ARHGEF38: variants seen among roughly 807,000 people sequenced by gnomAD.
The protein encoded by ARHGEF38 is Rho guanine nucleotide exchange factor (GEF) 38.
ARHGEF38 carries 79 observed loss-of-function variants against 79.9 expected under a neutral mutation model. The observed-to-expected ratio is 0.99, with a 90% confidence interval of 0.82 to 1.19. The LOEUF is 1.19. Ranked by LOEUF, ARHGEF38 falls within the 50% of genes most tolerant of loss-of-function variation. The pLI is 0.00. For synonymous variants in ARHGEF38, 366 were observed against 328.3 expected (o/e 1.11, Z -1.24); for missense variants, 962 against 907.2 (o/e 1.06, Z -0.78).
At chr4:105,553,813 T>C (rs1725118876) in intron 1 of ARHGEF38, among the ~76,000 whole-genome samples, 1 of 152,178 alleles carries the variant, frequency 6.6e-6, no homozygotes, top group Admixed American at 6.5e-5. Context: ...AACTTGCCTC[T>C]CCTGCTTTTA....
intron 7 of ARHGEF38, among the ~76,000 whole-genome samples, chr4:105,653,578 C>T (rs2110554213): frequency 6.6e-6 from 1 of 152,226 alleles, no homozygotes; most frequent in African/African-American, 2.4e-5. Context: ...GCCTTGGCCT[C>T]CCAAAGTGCT....
chr4:105,590,121 AGG>A lies in ARHGEF38; in HGVS notation c.384+687_384+688del, dbSNP rs1266095174. On this transcript the variant is annotated intron_variant, in intron 2 of 13. Coordinates refer to ENST00000420470, the MANE Select transcript of ARHGEF38 (RefSeq NM_001242729.2). Reference sequence around the variant, plus strand: ...AAGGAAGGAAGGAAGGAAGGAAGGAAGGAAGGAAAGAAAGAAAAAAAAGAAAG... The same window carrying A: ...AAGGAAGGAAGGAAGGAAGGAAGGAAAAGGAAAGAAAGAAAAAAAAGAAAG... 4.0e-3 allele frequency among the ~76,000 whole-genome samples: 566 copies of A among 141,830 alleles called. 2 individuals are homozygous for A. Among genetic ancestry groups the A allele is most frequent in the African/African-American group, 0.017 (544 of 32,650 alleles). The allele number at this position is 141,830 out of a possible 152,430, so 93.0% of individuals were successfully genotyped here. A position where few individuals can be genotyped will look rare whatever the true frequency, so the allele number is the denominator to read the frequency against.
chr4:105,676,965 T>A (rs1470746000), intron 13 of ARHGEF38, among the ~76,000 whole-genome samples: 1 of 151,482 alleles, frequency 6.6e-6, no homozygotes, highest in African/African-American at 2.4e-5. Context: ...GTTTTGTGTT[T>A]TTTCTTTTTT....
chr4:105,602,739 CG>C (rs1319854821), intron 2 of ARHGEF38, among the ~76,000 whole-genome samples: 2 of 152,098 alleles, frequency 1.3e-5, no homozygotes, highest in East Asian at 3.9e-4. Flanking sequence ...AATCCAAACT[CG>C]GCTGAGTTTT....
intron 2 of ARHGEF38, among the ~76,000 whole-genome samples, chr4:105,607,979 G>C (rs1728125202): frequency 6.6e-6 from 1 of 151,772 alleles, no homozygotes; most frequent in Admixed American, 6.6e-5. Flanking sequence ...AAAAAAAAAT[G>C]CCATAAACTG....
At chr4:105,590,140 A>AAAG (rs1553939700) in intron 2 of ARHGEF38, among the ~76,000 whole-genome samples, 10 of 144,978 alleles carry the variant, frequency 6.9e-5, no homozygotes, top group African/African-American at 2.5e-4. Context: ...AGAAAGAAAA[A>AAAG]AAAGAAAGAA....
chr4:105,654,736 C>T (rs757848692), intron 8 of ARHGEF38, among the ~76,000 whole-genome samples: 1 of 152,116 alleles, frequency 6.6e-6, no homozygotes, highest in Non-Finnish European at 1.5e-5. Context: ...TGATTATGCT[C>T]GGTAGAAAAA....
chr4:105,628,972 T>G (rs1466963772), intron 3 of ARHGEF38, among the ~76,000 whole-genome samples: 5 of 152,176 alleles, frequency 3.3e-5, no homozygotes, highest in African/African-American at 1.2e-4. Context: ...TATCACCCCA[T>G]TTCATTCTCA....
At chr4:105,569,085 A>G (rs1389702381) in intron 1 of ARHGEF38, among the ~76,000 whole-genome samples, 3 of 152,192 alleles carry the variant, frequency 2.0e-5, no homozygotes, top group Non-Finnish European at 4.4e-5. Context: ...ATAAACAATG[A>G]CTTAGAATTT....
At chr4:105,642,928 G>T (rs1379123711) in intron 5 of ARHGEF38, among the ~76,000 whole-genome samples, 2 of 151,992 alleles carry the variant, frequency 1.3e-5, no homozygotes, top group Non-Finnish European at 2.9e-5. Flanking sequence ...TAGATAATAT[G>T]ATTTCCTCTA....
intron 2 of ARHGEF38, among the ~76,000 whole-genome samples, chr4:105,599,907 C>T (rs959210271): frequency 2.0e-5 from 3 of 151,962 alleles, no homozygotes; most frequent in African/African-American, 7.2e-5. Flanking sequence ...AACTAAGAAT[C>T]CCTTGTGAGA....
intron 6 of ARHGEF38, among the ~76,000 whole-genome samples, chr4:105,647,592 CT>C (rs1370659295): frequency 6.6e-6 from 1 of 152,160 alleles, no homozygotes; most frequent in Non-Finnish European, 1.5e-5. Context: ...TGGTAATAGA[CT>C]ATGAATATTT....
At chr4:105,584,277 A>G (rs1451980086) in intron 1 of ARHGEF38, among the ~76,000 whole-genome samples, 1 of 152,220 alleles carries the variant, frequency 6.6e-6, no homozygotes, top group African/African-American at 2.4e-5. Flanking sequence ...AGATATTTTG[A>G]GAAGCCTATA....
chr4:105,565,980 A>G (rs959995585), intron 1 of ARHGEF38, among the ~76,000 whole-genome samples: 1 of 152,072 alleles, frequency 6.6e-6, no homozygotes, highest in Non-Finnish European at 1.5e-5. Context: ...TCTTTCCCCT[A>G]GTGACTGGAC....
At position 105,667,677 on chromosome 4, in the gene ARHGEF38, G is replaced by T. The variant is rs761944609; in HGVS notation, c.2122G>T (p.Asp708Tyr). 5 of 1,536,116 alleles carry T rather than the reference G, an allele frequency of 3.3e-6. No individual in the cohort carries two copies. The highest frequency in any genetic ancestry group is 4.4e-6 in the Non-Finnish European group (5 of 1,146,956). ...GKFETNGTDV[D>Y]SFQEVDEQIF... ...GTTTGAAACAAATGGTACTGATGTT[G>T]ACAGTTTTCAAGAAGTAGACGAACA... The change falls in exon 13 of 14, where the codon GAC becomes TAC. Residue 708 changes from aspartate (D) to tyrosine (Y), a missense_variant. Transcript: ENST00000420470.
intron 1 of ARHGEF38, among the ~76,000 whole-genome samples, chr4:105,561,414 A>AATG (rs1560684221): frequency 2.3e-4 from 10 of 42,558 alleles, no homozygotes; most frequent in African/African-American, 8.3e-4. Context: ...AGAATAGAAT[A>AATG]GAATAGAATG....
chr4:105,554,349 T>C (rs566473057), intron 1 of ARHGEF38, among the ~76,000 whole-genome samples: 65 of 152,298 alleles, frequency 4.3e-4, no homozygotes, highest in Non-Finnish European at 8.2e-4. Flanking sequence ...AGCCCTTGCC[T>C]CTGTCCGTTT....
chr4:105,572,857 A>G (rs1433771292), intron 1 of ARHGEF38, among the ~76,000 whole-genome samples: 1 of 152,170 alleles, frequency 6.6e-6, no homozygotes, highest in Non-Finnish European at 1.5e-5. Context: ...ACAATACTCA[A>G]GAATTCCAAT....
intron 5 of ARHGEF38, among the ~76,000 whole-genome samples, chr4:105,640,182 A>G (rs1164901738): frequency 6.6e-6 from 1 of 151,968 alleles, no homozygotes; most frequent in Non-Finnish European, 1.5e-5. Flanking sequence ...CCATTTCTCC[A>G]TTCCCCCTAA....
Sources: gnomAD v4.1 joint callset for allele counts (sites outside exome capture counted in the v4.1 genomes callset) on GRCh38, gnomAD v4.1.1 for gene constraint, MANE v1.5 for transcripts, NCBI Gene and HGNC (gene_info 2026-07-23, HGNC 2026-07-21) for gene names.